Variants in FBXW7 observed in about 807,000 individuals in gnomAD.
The protein encoded by FBXW7 is F-box and WD repeat domain containing 7.
Under a neutral mutation model 86.3 loss-of-function variants are expected in FBXW7, and 11 were observed. That is an observed-to-expected ratio of 0.13 (90% CI 0.08 to 0.21). The LOEUF is 0.21. Ranked by LOEUF, FBXW7 falls within the 10% of genes least tolerant of loss-of-function variation. The pLI is 1.00. For synonymous variants in FBXW7, 313 were observed against 297.9 expected (o/e 1.05, Z -0.52); for missense variants, 488 against 847.4 (o/e 0.58, Z 5.27).
At chr4:152,470,619 CA>C (rs1177476235) in intron 2 of FBXW7, among the ~76,000 whole-genome samples, 6 of 151,984 alleles carry the variant, frequency 3.9e-5, no homozygotes, top group African/African-American at 1.4e-4. Context: ...TTACTATTTA[CA>C]AAAGCTAGCG....
intron 12 of FBXW7, chr4:152,325,037 A>AT (rs1728887652): frequency 6.6e-6 from 1 of 152,340 alleles, no homozygotes; most frequent in Non-Finnish European, 1.5e-5. Flanking sequence ...CCAAAAGTCA[A>AT]TAACAGTCTA....
At chr4:152,534,266 AAG>A (rs1491587095) in intron 2 of FBXW7, among the ~76,000 whole-genome samples, 7 of 150,536 alleles carry the variant, frequency 4.7e-5, no homozygotes, top group African/African-American at 1.5e-4. Context: ...TAAAAAAAAA[AAG>A]GGGGGGGTGA....
At chr4:152,424,810 T>A (rs1308116869) in intron 2 of FBXW7, among the ~76,000 whole-genome samples, 1 of 152,216 alleles carries the variant, frequency 6.6e-6, no homozygotes, top group Non-Finnish European at 1.5e-5. Context: ...GCAAATAAAG[T>A]GACACTGTGA....
intron 2 of FBXW7, among the ~76,000 whole-genome samples, chr4:152,517,918 T>G (rs558634964): frequency 6.6e-6 from 1 of 152,160 alleles, no homozygotes; most frequent in Non-Finnish European, 1.5e-5. Context: ...CTAAATTCTA[T>G]TTACCAGAAT....
intron 2 of FBXW7, among the ~76,000 whole-genome samples, chr4:152,456,386 A>C (rs1282700237): frequency 5.0e-5 from 7 of 139,138 alleles, no homozygotes; most frequent in Admixed American, 3.6e-4. Context: ...AAAAAAAAAA[A>C]ACAGCCAAGT....
chr4:152,331,333 G>C (rs962637930), intron 8 of FBXW7, among the ~76,000 whole-genome samples: 1 of 152,032 alleles, frequency 6.6e-6, no homozygotes, highest in African/African-American at 2.4e-5. Context: ...AGCAATCCAA[G>C]GGTCCATCGA....
intron 4 of FBXW7, among the ~76,000 whole-genome samples, chr4:152,391,325 A>C (rs963049221): frequency 2.0e-5 from 3 of 147,466 alleles, no homozygotes; most frequent in Non-Finnish European, 4.4e-5. Context: ...TTACATACTC[A>C]AAAAAATAAT....
chr4:152,499,252 C>G (rs1746679001), intron 2 of FBXW7, among the ~76,000 whole-genome samples: 1 of 152,112 alleles, frequency 6.6e-6, no homozygotes, highest in South Asian at 2.1e-4. Context: ...GAAAGCAATT[C>G]CAGGCAAGAG....
chr4:152,367,192 G>A (rs559952358), intron 4 of FBXW7, among the ~76,000 whole-genome samples: 2 of 151,980 alleles, frequency 1.3e-5, no homozygotes, highest in Non-Finnish European at 1.5e-5. Context: ...AAGTTAATGG[G>A]TACAGCAAAC....
intron 2 of FBXW7, among the ~76,000 whole-genome samples, chr4:152,514,475 T>C: frequency 6.6e-6 from 1 of 152,294 alleles, no homozygotes; most frequent in East Asian, 1.9e-4. Context: ...TAGGGGATGA[T>C]ATAATTTGAA....
intron 2 of FBXW7, among the ~76,000 whole-genome samples, chr4:152,498,356 C>T (rs17028936): frequency 0.089 from 13,580 of 151,970 alleles, 1,341 homozygotes; most frequent in African/African-American, 0.25. Context: ...CACCTACTAA[C>T]GAAAACTACT....
chr4:152,536,012 C>A lies in FBXW7; in HGVS notation c.-1098G>T. ...CTCTCAGTCTCAGCGGCGGCGGCGG[C>A]GGCAGCGGCAGCGGCAGCGCCCGGA... On this transcript the variant is annotated 5_prime_UTR_variant, in exon 1 of 14. Coordinates refer to ENST00000281708, the MANE Select transcript of FBXW7 (RefSeq NM_001349798.2). 1 of 221,926 alleles carries A rather than the reference C, an allele frequency of 4.5e-6. No homozygotes were observed. Among genetic ancestry groups the A allele is most frequent in the Non-Finnish European group, 8.8e-6 (1 of 113,828 alleles). The allele number at this position is 221,926 out of a possible 1,614,324, so 13.7% of individuals were successfully genotyped here.
intron 4 of FBXW7, among the ~76,000 whole-genome samples, chr4:152,385,362 T>C (rs1560833791): frequency 6.6e-6 from 1 of 152,032 alleles, no homozygotes; most frequent in Non-Finnish European, 1.5e-5. Flanking sequence ...AAAGATAATG[T>C]ATTCAATATT....
At chr4:152,334,394 T>C (rs1412797309) in intron 7 of FBXW7, among the ~76,000 whole-genome samples, 1 of 152,216 alleles carries the variant, frequency 6.6e-6, no homozygotes, top group Non-Finnish European at 1.5e-5. Flanking sequence ...TGTGTCAGTA[T>C]AGCAGTAATG....
intron 4 of FBXW7, among the ~76,000 whole-genome samples, chr4:152,359,304 CAAGAT>C (rs1164423385): frequency 6.6e-6 from 1 of 151,958 alleles, no homozygotes; most frequent in Non-Finnish European, 1.5e-5. Context: ...ATCCAGGTGA[CAAGAT>C]AAGAAATGAG....
chr4:152,352,386 G>C (rs990128094), intron 4 of FBXW7: 2 of 1,554,338 alleles, frequency 1.3e-6, no homozygotes, highest in South Asian at 1.2e-5. Context: ...GGATACTGCA[G>C]CCATCTCTGA....
At chr4:152,417,024 G>T (rs1265836099) in intron 2 of FBXW7, among the ~76,000 whole-genome samples, 1 of 151,844 alleles carries the variant, frequency 6.6e-6, no homozygotes, top group South Asian at 2.1e-4. Flanking sequence ...ATTTTCCTTG[G>T]TACATTCCTC....
chr4:152,449,863 T>C (rs1003009843), intron 2 of FBXW7, among the ~76,000 whole-genome samples: 6 of 152,232 alleles, frequency 3.9e-5, no homozygotes, highest in Admixed American at 2.0e-4. Context: ...AAATACTTTA[T>C]AGTCTTCACA....
At chr4:152,420,560 A>T (rs570861933) in intron 2 of FBXW7, among the ~76,000 whole-genome samples, 1 of 152,300 alleles carries the variant, frequency 6.6e-6, no homozygotes, top group South Asian at 2.1e-4. Context: ...TAAGAAATAT[A>T]TTTTTTAAAT....
Sources: gnomAD v4.1 joint callset for allele counts (sites outside exome capture counted in the v4.1 genomes callset) on GRCh38, gnomAD v4.1.1 for gene constraint, MANE v1.5 for transcripts, NCBI Gene and HGNC (gene_info 2026-07-23, HGNC 2026-07-21) for gene names.